Variants in CSGALNACT1 observed in about 807,000 individuals in gnomAD.
The protein encoded by CSGALNACT1 is chondroitin sulfate N-acetylgalactosaminyltransferase 1, also known as beta4GalNAcT-1.
CSGALNACT1 carries 52 observed loss-of-function variants against 51.0 expected under a neutral mutation model. That is an observed-to-expected ratio of 1.02 (90% CI 0.82 to 1.29). CSGALNACT1 has a LOEUF of 1.29. CSGALNACT1 is among the 50% of genes most tolerant of loss of function. The pLI, the probability that CSGALNACT1 is intolerant of heterozygous loss-of-function variation, is 0.00. For synonymous variants in CSGALNACT1, 341 were observed against 254.4 expected (o/e 1.34, Z -3.24); for missense variants, 935 against 679.2 (o/e 1.38, Z -4.19).
intron 1 of CSGALNACT1, among the ~76,000 whole-genome samples, chr8:19,660,681 C>T (rs1564370244): frequency 6.6e-6 from 1 of 152,104 alleles, no homozygotes; most frequent in Non-Finnish European, 1.5e-5. Context: ...CACAAAAGCT[C>T]CAGTTGTTAC....
At chr8:19,441,247 G>A (rs1483217601) in intron 5 of CSGALNACT1, among the ~76,000 whole-genome samples, 1 of 152,164 alleles carries the variant, frequency 6.6e-6, no homozygotes, top group Non-Finnish European at 1.5e-5. Context: ...CCAAAAAAGA[G>A]CCTGCATCGC....
chr8:19,530,661 A>T (rs114773690), intron 3 of CSGALNACT1, among the ~76,000 whole-genome samples: 1,793 of 152,112 alleles, frequency 0.012, 36 homozygotes, highest in African/African-American at 0.041. Flanking sequence ...AACCCAAGAG[A>T]TCGGGGCTAT....
At chr8:19,610,253 G>C (rs1055867700) in intron 1 of CSGALNACT1, among the ~76,000 whole-genome samples, 1 of 126,726 alleles carries the variant, frequency 7.9e-6, no homozygotes, top group African/African-American at 3.2e-5. Flanking sequence ...TTGTGCCACT[G>C]AACTCCATCC....
intron 8 of CSGALNACT1, among the ~76,000 whole-genome samples, chr8:19,415,025 T>C (rs2056594338): frequency 6.6e-6 from 1 of 152,216 alleles, no homozygotes; most frequent in Non-Finnish European, 1.5e-5. Flanking sequence ...TCCTTTGGAA[T>C]TTTTGTCAAG....
chr8:19,599,681 C>A (rs182466171), intron 2 of CSGALNACT1, among the ~76,000 whole-genome samples: 2 of 152,300 alleles, frequency 1.3e-5, no homozygotes, highest in Admixed American at 6.5e-5. Flanking sequence ...TAGGATGTTT[C>A]TGCTCTAAAG....
At chr8:19,474,799 G>A (rs6586836) in intron 4 of CSGALNACT1, among the ~76,000 whole-genome samples, 91,854 of 149,468 alleles carry the variant, frequency 0.61, 29,192 homozygotes, top group East Asian at 0.87. Context: ...CCTGGGAGGC[G>A]GAGGTTGCAG....
intron 6 of CSGALNACT1, among the ~76,000 whole-genome samples, chr8:19,423,999 TC>T (rs1341293367): frequency 6.6e-6 from 1 of 152,136 alleles, no homozygotes; most frequent in Non-Finnish European, 1.5e-5. Flanking sequence ...TTGCCTGTTC[TC>T]CCTGCCCCAC....
chr8:19,458,579 T>C lies in CSGALNACT1; in HGVS notation c.698A>G (p.Lys233Arg). The stretch of plus-strand genomic sequence containing the variant: ...TAAGATGAGCCGTTTGAATTCGTGT[T>C]TGTGGTCCCCTTTGAAGGTGAGCTC... The change falls in exon 5 of 10, where the codon AAA (lysine) becomes AGA (arginine). Residue 233 changes from lysine (K) to arginine (R), a missense_variant. Physicochemically the swap from Lys to Arg is conservative, Grantham distance 26. Coordinates refer to ENST00000454498, the Ensembl canonical transcript of CSGALNACT1. 6.2e-7 allele frequency: 1 copy of C among 1,614,216 alleles called. No individual in the cohort carries two copies. Among genetic ancestry groups the C allele is most frequent in the Non-Finnish European group, 8.5e-7 (1 of 1,180,044 alleles).
chr8:19,512,037 A>G (rs960156701), intron 3 of CSGALNACT1, among the ~76,000 whole-genome samples: 2 of 152,266 alleles, frequency 1.3e-5, no homozygotes, highest in African/African-American at 2.4e-5. Context: ...ATTACAATTC[A>G]AAATGAGATT....
intron 1 of CSGALNACT1, among the ~76,000 whole-genome samples, chr8:19,726,651 A>T: frequency 6.6e-6 from 1 of 152,232 alleles, no homozygotes; most frequent in Non-Finnish European, 1.5e-5. Context: ...AACTATAGTC[A>T]CCATGTACAA....
chr8:19,480,996 C>T (rs2071227483), intron 4 of CSGALNACT1, among the ~76,000 whole-genome samples: 1 of 152,126 alleles, frequency 6.6e-6, no homozygotes, highest in African/African-American at 2.4e-5. Context: ...TTCTCAAGTT[C>T]CAATTGCATG....
intron 3 of CSGALNACT1, among the ~76,000 whole-genome samples, chr8:19,553,640 A>ATATATATATATATATATATAT (rs201836569): frequency 0.028 from 3,200 of 115,864 alleles, 176 homozygotes; most frequent in African/African-American, 0.05. Flanking sequence ...TATATATATA[A>ATATATATATATATATATATAT]AAAAATATGT....
At chr8:19,614,034 C>T (rs1055285680) in intron 1 of CSGALNACT1, among the ~76,000 whole-genome samples, 2 of 152,190 alleles carry the variant, frequency 1.3e-5, no homozygotes, top group Non-Finnish European at 2.9e-5. Flanking sequence ...TAACAAGTTT[C>T]ATTGTTGTGG....
At chr8:19,683,974 T>G (rs1445814662), upstream of CSGALNACT1, among the ~76,000 whole-genome samples, 1 of 151,830 alleles carries the variant, frequency 6.6e-6, no homozygotes. Context: ...AAAACCAACA[T>G]CCCCAACATG....
chr8:19,644,308 TAC>T (rs1416721217), intron 1 of CSGALNACT1, among the ~76,000 whole-genome samples: 2 of 151,760 alleles, frequency 1.3e-5, no homozygotes, highest in Non-Finnish European at 2.9e-5. Context: ...CTGGATTTTC[TAC>T]ATTTTCCATA....
intron 4 of CSGALNACT1, among the ~76,000 whole-genome samples, chr8:19,503,706 C>T (rs988613045): frequency 5.3e-5 from 8 of 151,936 alleles, no homozygotes; most frequent in Admixed American, 2.6e-4. Context: ...TGAACTCTTA[C>T]TGTGTGCTTA....
chr8:19,649,113 T>C (rs2057540290), intron 1 of CSGALNACT1, among the ~76,000 whole-genome samples: 1 of 152,240 alleles, frequency 6.6e-6, no homozygotes, highest in South Asian at 2.1e-4. Context: ...GCAATGTACA[T>C]GAATTATCTC....
rs535336252 is a variant in CSGALNACT1 at position 19,571,172 on chromosome 8, G to A, written c.-297+19988C>T. ...TTTTGTAAAGATGAGGTTTTGCTAT[G>A]TTGCCCAGGCTGGTCTCAAACTCCT... On this transcript the variant is annotated intron_variant, in intron 3 of 9. Transcript: ENST00000454498. Among the ~76,000 whole-genome samples, 10 of 152,160 alleles carry A rather than the reference G, an allele frequency of 6.6e-5. No individual in the cohort carries two copies. The East Asian group carries it at 1.9e-3, about 29-fold the overall frequency.
chr8:19,423,754 T>C (rs146566099), intron 6 of CSGALNACT1, among the ~76,000 whole-genome samples: 1 of 152,210 alleles, frequency 6.6e-6, no homozygotes, highest in Non-Finnish European at 1.5e-5. Flanking sequence ...TTATATGGCC[T>C]AATGCAAAAG....
Sources: gnomAD v4.1 joint callset for allele counts (sites outside exome capture counted in the v4.1 genomes callset) on GRCh38, gnomAD v4.1.1 for gene constraint, MANE v1.5 for transcripts, NCBI Gene and HGNC (gene_info 2026-07-23, HGNC 2026-07-21) for gene names.